The following EYS variants were observed in gnomAD, a reference collection of about 807,000 sequenced individuals.
EYS encodes protein eyes shut homolog.
In EYS, 250 loss-of-function variants were observed where a neutral mutation model predicts 282.1. The ratio of observed to expected loss-of-function variants is 0.89; its 90% CI spans 0.80 to 0.98. EYS has a LOEUF of 0.98. Ranked by LOEUF, EYS falls within the 50% of genes least tolerant of loss-of-function variation. The pLI is 0.00. For missense variants in EYS, 4,016 were observed against 3,709.0 expected, an observed-to-expected ratio of 1.08 and a Z score of -2.15; for synonymous variants, 1,355 against 1,282.9, an observed-to-expected ratio of 1.06 and a Z score of -1.20.
intron 22 of EYS, among the ~76,000 whole-genome samples, chr6:64,745,655 A>G (rs1021810279): frequency 4.6e-5 from 7 of 152,158 alleles, no homozygotes; most frequent in African/African-American, 1.7e-4. Context: ...AAGCAATAAT[A>G]TTTTAAAACT....
At chr6:65,227,599 A>C (rs928134933) in intron 12 of EYS, among the ~76,000 whole-genome samples, 3 of 152,156 alleles carry the variant, frequency 2.0e-5, no homozygotes, top group African/African-American at 7.2e-5. Context: ...TGAAAGCAGG[A>C]ACTCAAACAG....
chr6:64,095,969 G>T (rs1036979319), intron 31 of EYS, among the ~76,000 whole-genome samples: 49 of 152,150 alleles, frequency 3.2e-4, no homozygotes, highest in Admixed American at 6.5e-5. Flanking sequence ...AAATCTCTCA[G>T]CATTTGCTTA....
At chr6:64,989,889 A>C (rs1005495079) in intron 14 of EYS, among the ~76,000 whole-genome samples, 1 of 150,414 alleles carries the variant, frequency 6.6e-6, no homozygotes, top group African/African-American at 2.4e-5. Context: ...GTTTCAGCTC[A>C]AGAGCTTGAT....
At chr6:65,681,031 G>A (rs549752009) in intron 1 of EYS, among the ~76,000 whole-genome samples, 23 of 150,910 alleles carry the variant, frequency 1.5e-4, no homozygotes, top group African/African-American at 5.6e-4. Flanking sequence ...GCAACCAAAT[G>A]TCATCATCTA....
chr6:65,310,510 T>C (rs1209776493), intron 11 of EYS, among the ~76,000 whole-genome samples: 2 of 152,058 alleles, frequency 1.3e-5, no homozygotes, highest in Non-Finnish European at 2.9e-5. Flanking sequence ...TGACTAACCC[T>C]GGTTAGTCAA....
intron 2 of EYS, among the ~76,000 whole-genome samples, chr6:65,504,603 A>G (rs1294525558): frequency 6.6e-6 from 1 of 151,452 alleles, no homozygotes; most frequent in East Asian, 1.9e-4. Flanking sequence ...TTTCATCCAG[A>G]TTAGTTGTTA....
intron 15 of EYS, among the ~76,000 whole-genome samples, chr6:64,938,702 T>G (rs532039212): frequency 6.6e-6 from 1 of 151,752 alleles, no homozygotes; most frequent in African/African-American, 2.4e-5. Flanking sequence ...TAAGTTAATG[T>G]AGGTTCTGAG....
At chr6:64,480,376 A>G (rs1776402332) in intron 26 of EYS, among the ~76,000 whole-genome samples, 1 of 151,882 alleles carries the variant, frequency 6.6e-6, no homozygotes, top group Non-Finnish European at 1.5e-5. Context: ...TGTGCTACCA[A>G]ATTTTATCTC....
chr6:64,535,884 T>G (rs995426112), intron 26 of EYS, among the ~76,000 whole-genome samples: 1 of 152,192 alleles, frequency 6.6e-6, no homozygotes, highest in Non-Finnish European at 1.5e-5. Flanking sequence ...AATGTCAATA[T>G]TAAGTTCAAG....
chr6:65,100,324 C>T lies in EYS; in HGVS notation c.2024-42597G>A, dbSNP rs890133498. On this transcript the variant is annotated intron_variant, in intron 12 of 42. Transcript: ENST00000503581. ...TAAAGGTACAAGCTTTTTGTTAAGT[C>T]TGAAAAAGAATACCTGACAATTTTA... is the stretch of plus-strand genomic sequence containing the variant. Among the ~76,000 whole-genome samples, 9 of 150,126 alleles carry T rather than the reference C, an allele frequency of 6.0e-5. No individual in the cohort carries two copies. The East Asian group carries it at 1.8e-3, about 29-fold the overall frequency.
intron 2 of EYS, among the ~76,000 whole-genome samples, chr6:65,630,374 G>C (rs1766868360): frequency 6.6e-6 from 1 of 152,190 alleles, no homozygotes; most frequent in African/African-American, 2.4e-5. Context: ...GGAAACAGGA[G>C]AAACAGGAGA....
At chr6:64,337,234 AAGATTAACCAAGAAAAGT>A (rs1403763692) in intron 29 of EYS, among the ~76,000 whole-genome samples, 2 of 152,068 alleles carry the variant, frequency 1.3e-5, no homozygotes, top group Non-Finnish European at 2.9e-5. Flanking sequence ...GACCATTAGC[AAGATTAACCAAGAAAAGT>A]AGAGAGAAAC....
chr6:63,977,691 T>A (rs774461875), intron 35 of EYS, among the ~76,000 whole-genome samples: 1 of 152,000 alleles, frequency 6.6e-6, no homozygotes, highest in Non-Finnish European at 1.5e-5. Flanking sequence ...TTGTGAGGAC[T>A]CCTGCATGTA....
intron 35 of EYS, among the ~76,000 whole-genome samples, chr6:63,895,266 A>G (rs1199246445): frequency 6.6e-6 from 1 of 152,176 alleles, no homozygotes; most frequent in African/African-American, 2.4e-5. Flanking sequence ...CAGTTGTTAA[A>G]TCAGCTAAAA....
At chr6:65,214,014 C>T (rs956731136) in intron 12 of EYS, among the ~76,000 whole-genome samples, 1 of 151,684 alleles carries the variant, frequency 6.6e-6, no homozygotes, top group Non-Finnish European at 1.5e-5. Flanking sequence ...AAAAAATTAG[C>T]TGGGCATGGT....
At chr6:65,324,917 T>C (rs1489358000) in intron 11 of EYS, among the ~76,000 whole-genome samples, 1 of 152,200 alleles carries the variant, frequency 6.6e-6, no homozygotes, top group Non-Finnish European at 1.5e-5. Flanking sequence ...GGGATTAAAG[T>C]GACAAAGCAT....
chr6:64,253,913 T>A (rs1303112376), intron 30 of EYS, among the ~76,000 whole-genome samples: 1 of 152,184 alleles, frequency 6.6e-6, no homozygotes, highest in Non-Finnish European at 1.5e-5. Flanking sequence ...TTGTGACTGT[T>A]ATGAAGTTGT....
intron 9 of EYS, among the ~76,000 whole-genome samples, chr6:65,345,496 A>G (rs1030954940): frequency 4.6e-5 from 7 of 151,798 alleles, no homozygotes; most frequent in Non-Finnish European, 1.0e-4. Context: ...AGAAGGCCAT[A>G]TATTTCAAGT....
At chr6:63,905,329 C>CTTTTTTTTTT (rs377115720) in intron 35 of EYS, among the ~76,000 whole-genome samples, 56 of 118,262 alleles carry the variant, frequency 4.7e-4, no homozygotes, top group Non-Finnish European at 6.3e-4. Context: ...CTTTTTTTTT[C>CTTTTTTTTTT]TTTTTTTTTT....
Sources: gnomAD v4.1 joint callset for allele counts (sites outside exome capture counted in the v4.1 genomes callset) on GRCh38, gnomAD v4.1.1 for gene constraint, MANE v1.5 for transcripts, NCBI Gene and HGNC (gene_info 2026-07-23, HGNC 2026-07-21) for gene names.